RELN: variants seen among roughly 807,000 people sequenced by gnomAD.
The protein encoded by RELN is reelin.
In RELN, 108 loss-of-function variants were observed where a neutral mutation model predicts 427.6. The ratio of observed to expected loss-of-function variants is 0.25; its 90% CI spans 0.22 to 0.30. The LOEUF is 0.30. Ranked by LOEUF, RELN falls within the 10% of genes least tolerant of loss-of-function variation. RELN has a pLI of 1.00. For missense variants in RELN, 3,715 were observed against 4,302.8 expected, an observed-to-expected ratio of 0.86 and a Z score of 3.82; for synonymous variants, 1,524 against 1,513.4, an observed-to-expected ratio of 1.01 and a Z score of -0.16.
chr7:103,804,583 C>CCATATTATTTAT (rs1792550588), intron 3 of RELN, among the ~76,000 whole-genome samples: 1 of 152,056 alleles, frequency 6.6e-6, no homozygotes, highest in Non-Finnish European at 1.5e-5. Flanking sequence ...ATAAATAATG[C>CCATATTATTTAT]GTAGTAACAC....
At chr7:103,757,785 A>G (rs1791198171) in intron 4 of RELN, among the ~76,000 whole-genome samples, 1 of 152,168 alleles carries the variant, frequency 6.6e-6, no homozygotes, top group Non-Finnish European at 1.5e-5. Context: ...TGAATTGAAG[A>G]GAGAGGAAGA....
At chr7:103,576,313 T>C (rs890813829) in intron 28 of RELN, among the ~76,000 whole-genome samples, 2 of 152,140 alleles carry the variant, frequency 1.3e-5, no homozygotes, top group Admixed American at 6.5e-5. Context: ...CTAATCTTTG[T>C]ATTTTTAGTA....
chr7:103,491,047 T>C (rs533278010), intron 58 of RELN, among the ~76,000 whole-genome samples: 1 of 152,320 alleles, frequency 6.6e-6, no homozygotes, highest in East Asian at 1.9e-4. Flanking sequence ...CAGAATAAAA[T>C]AATAGCATGC....
rs144150588 is a variant in RELN at position 103,661,473 on chromosome 7, G to A, written c.1344C>T (p.Gly448=). 1.9e-6 allele frequency: 3 copies of A among 1,613,402 alleles called. No homozygotes were observed. The highest frequency in any genetic ancestry group is 2.5e-6 in the Non-Finnish European group (3 of 1,179,686). ...IGTECGTIES[G]LSMVFLKDGE... Reference sequence around the variant, plus strand: ...CATCTTTGAGGAAGACCATTGATAAGCCTGATTCTATCGTTCCACATTCTG... The same window carrying A: ...CATCTTTGAGGAAGACCATTGATAAACCTGATTCTATCGTTCCACATTCTG... The change falls in exon 12 of 65, where the codon GGC becomes GGT. Residue 448 remains glycine, a synonymous_variant. Transcript: ENST00000428762.
chr7:103,962,979 T>C (rs1796589310), intron 1 of RELN, among the ~76,000 whole-genome samples: 1 of 152,024 alleles, frequency 6.6e-6, no homozygotes, highest in Non-Finnish European at 1.5e-5. Context: ...GGGGAAAGGT[T>C]GAGAAAACGT....
intron 1 of RELN, among the ~76,000 whole-genome samples, chr7:103,946,856 G>T (rs1796229903): frequency 6.6e-6 from 1 of 152,154 alleles, no homozygotes; most frequent in African/African-American, 2.4e-5. Flanking sequence ...TTTGCAATGT[G>T]ATTGCCTTTC....
chr7:103,987,146 A>C (rs913677317), intron 1 of RELN, among the ~76,000 whole-genome samples: 1 of 152,038 alleles, frequency 6.6e-6, no homozygotes. Context: ...ATGTTTAATA[A>C]AATAGATAAC....
chr7:103,701,715 T>C (rs1435746683), intron 8 of RELN, among the ~76,000 whole-genome samples: 3 of 152,180 alleles, frequency 2.0e-5, no homozygotes, highest in African/African-American at 7.2e-5. Flanking sequence ...ATAGTATGAC[T>C]ACAATTTCAA....
intron 3 of RELN, among the ~76,000 whole-genome samples, chr7:103,820,011 T>G (rs1156240681): frequency 6.6e-6 from 1 of 151,992 alleles, no homozygotes; most frequent in Non-Finnish European, 1.5e-5. Context: ...ATAATATAGA[T>G]TTAATTGTTC....
intron 31 of RELN, among the ~76,000 whole-genome samples, chr7:103,567,715 T>C (rs1830788380): frequency 6.6e-6 from 1 of 151,794 alleles, no homozygotes; most frequent in African/African-American, 2.4e-5. Flanking sequence ...CGACTAGGGA[T>C]ACTGAACTAT....
At chr7:103,501,751 G>A (rs1829036581) in intron 52 of RELN, among the ~76,000 whole-genome samples, 1 of 152,192 alleles carries the variant, frequency 6.6e-6, no homozygotes, top group Non-Finnish European at 1.5e-5. Flanking sequence ...GAGAAAATGA[G>A]TCTGTGATAG....
In RELN at chr7:103,895,123, T is replaced by C. The variant is rs17157117; in HGVS notation, c.337+21952A>G. Among the ~76,000 whole-genome samples the C allele has an allele frequency of 5.8e-3, 881 of 152,268 alleles. 4 individuals are homozygous for C. Among genetic ancestry groups the C allele is most frequent in the African/African-American group, 0.02 (845 of 41,564 alleles). On this transcript the variant is annotated intron_variant, in intron 2 of 64. Coordinates refer to ENST00000428762, the MANE Select transcript of RELN (RefSeq NM_005045.4). ...CTATTACATGGATATTTTATCTTCC[T>C]GTTAATTGGTAATTATGCACTGGCA...
intron 11 of RELN, among the ~76,000 whole-genome samples, chr7:103,677,401 A>G (rs1004020830): frequency 3.9e-5 from 5 of 129,254 alleles, no homozygotes; most frequent in African/African-American, 1.5e-4. Context: ...CCCAGAACTT[A>G]AAGTATAATA....
intron 28 of RELN, among the ~76,000 whole-genome samples, chr7:103,580,732 C>T (rs1045843675): frequency 6.6e-6 from 1 of 152,180 alleles, no homozygotes; most frequent in Non-Finnish European, 1.5e-5. Context: ...CACCTTCCTC[C>T]CAAACTTCTC....
chr7:103,978,676 T>C (rs1294106162), intron 1 of RELN, among the ~76,000 whole-genome samples: 1 of 152,214 alleles, frequency 6.6e-6, no homozygotes, highest in Non-Finnish European at 1.5e-5. Context: ...TTCATTTCAA[T>C]GAATACAGAT....
chr7:103,793,413 A>C (rs969129384), intron 3 of RELN, among the ~76,000 whole-genome samples: 1 of 152,200 alleles, frequency 6.6e-6, no homozygotes, highest in African/African-American at 2.4e-5. Context: ...TGTCTGGATT[A>C]CAGCTGATTT....
intron 1 of RELN, among the ~76,000 whole-genome samples, chr7:103,921,824 C>G (rs1004814004): frequency 6.2e-5 from 9 of 146,016 alleles, no homozygotes; most frequent in Non-Finnish European, 1.2e-4. Flanking sequence ...CTATACTTCT[C>G]TGCCTCCTGG....
chr7:103,579,971 T>C (rs1190276347), intron 28 of RELN, among the ~76,000 whole-genome samples: 3 of 152,194 alleles, frequency 2.0e-5, no homozygotes, highest in African/African-American at 4.8e-5. Flanking sequence ...CTACATAGCA[T>C]ATTGCCTGGA....
At chr7:103,551,874 T>C (rs1458024999) in intron 40 of RELN, among the ~76,000 whole-genome samples, 1 of 152,140 alleles carries the variant, frequency 6.6e-6, no homozygotes, top group East Asian at 1.9e-4. Flanking sequence ...GTGAAATAAT[T>C]ACTACGGCCA....
Sources: allele counts gnomAD v4.1 joint callset (sites outside exome capture counted in the v4.1 genomes callset), GRCh38; gene constraint gnomAD v4.1.1; transcripts MANE v1.5; gene names NCBI Gene and HGNC (gene_info 2026-07-23, HGNC 2026-07-21).